Variants in EPB41L3 observed in about 807,000 individuals in gnomAD.
The protein encoded by EPB41L3 is erythrocyte membrane protein band 4.1 like 3, also known as band 4.1-like protein 3.
A neutral mutation model predicts 127.1 loss-of-function variants in EPB41L3; 57 were observed. The ratio of observed to expected loss-of-function variants is 0.45; its 90% CI spans 0.36 to 0.56. EPB41L3 has a LOEUF of 0.56. Ranked by LOEUF, EPB41L3 falls within the 20% of genes least tolerant of loss-of-function variation. The pLI, the probability that EPB41L3 is intolerant of heterozygous loss-of-function variation, is 0.00. For synonymous variants in EPB41L3, 572 were observed against 549.5 expected (o/e 1.04, Z -0.57); for missense variants, 1,273 against 1,372.2 (o/e 0.93, Z 1.14).
intron 1 of EPB41L3, among the ~76,000 whole-genome samples, chr18:5,501,684 G>A (rs2091761518): frequency 6.6e-6 from 1 of 152,154 alleles, no homozygotes; most frequent in Non-Finnish European, 1.5e-5. Flanking sequence ...GGACTCTTCT[G>A]GCATTCTTGG....
chr18:5,498,594 CAAAAAAA>C (rs397828412), intron 1 of EPB41L3, among the ~76,000 whole-genome samples: 1 of 70,502 alleles, frequency 1.4e-5, no homozygotes, highest in Non-Finnish European at 2.4e-5. Context: ...GACTCCATCT[CAAAAAAA>C]AAAAAAAAAA....
chr18:5,597,203 C>G (rs2143699231), intron 3 of EPB41L3, among the ~76,000 whole-genome samples: 2 of 152,340 alleles, frequency 1.3e-5, no homozygotes, highest in Non-Finnish European at 2.9e-5. Flanking sequence ...AGACCCTCCT[C>G]AAGTGCCTTT....
intron 16 of EPB41L3, among the ~76,000 whole-genome samples, chr18:5,404,689 T>G (rs1420858749): frequency 6.6e-6 from 1 of 152,218 alleles, no homozygotes; most frequent in Admixed American, 6.5e-5. Flanking sequence ...AGCACCACCC[T>G]TTAAATTCTC....
At chr18:5,504,623 C>A (rs1049035585) in intron 1 of EPB41L3, among the ~76,000 whole-genome samples, 1 of 152,162 alleles carries the variant, frequency 6.6e-6, no homozygotes, top group Non-Finnish European at 1.5e-5. Context: ...CAAATAGGGC[C>A]ACAGATGAGC....
chr18:5,605,914 G>A (rs961123470), intron 3 of EPB41L3, among the ~76,000 whole-genome samples: 9 of 152,254 alleles, frequency 5.9e-5, no homozygotes, highest in Admixed American at 4.6e-4. Context: ...AGGTAAAGAC[G>A]AAGTAAGGAG....
intron 3 of EPB41L3, chr18:5,467,545 A>G (rs1476731622): frequency 6.6e-6 from 1 of 152,210 alleles, no homozygotes; most frequent in Admixed American, 6.5e-5. Context: ...CAGCCACAAG[A>G]AGACGGCAAG....
intron 1 of EPB41L3, among the ~76,000 whole-genome samples, chr18:5,490,555 A>G (rs1372807747): frequency 6.6e-6 from 1 of 152,204 alleles, no homozygotes; most frequent in Non-Finnish European, 1.5e-5. Flanking sequence ...TAAAAGAGAC[A>G]TATCAATTTG....
intron 3 of EPB41L3, among the ~76,000 whole-genome samples, chr18:5,551,743 C>A (rs1384127116): frequency 1.3e-5 from 2 of 152,088 alleles, no homozygotes; most frequent in African/African-American, 2.4e-5. Flanking sequence ...TTTTAAGGCA[C>A]TGAAGTGAAT....
chr18:5,487,398 T>C (rs1488430583), intron 2 of EPB41L3, among the ~76,000 whole-genome samples: 2 of 149,290 alleles, frequency 1.3e-5, no homozygotes, highest in Non-Finnish European at 3.0e-5. Flanking sequence ...CAAAATATAA[T>C]ATATATATTT....
chr18:5,399,451 C>CT (rs1308794932), intron 16 of EPB41L3: 9 of 397,740 alleles, frequency 2.3e-5, no homozygotes, highest in Admixed American at 1.3e-4. Context: ...AATAAGAATC[C>CT]TTTAAGAAAA....
chr18:5,609,413 A>G (rs1285989558), intron 3 of EPB41L3, among the ~76,000 whole-genome samples: 1 of 152,208 alleles, frequency 6.6e-6, no homozygotes, highest in African/African-American at 2.4e-5. Context: ...CCTGCTGTCT[A>G]TTCTGCATTC....
chr18:5,559,620 C>T (rs1243881453), intron 3 of EPB41L3, among the ~76,000 whole-genome samples: 3 of 152,008 alleles, frequency 2.0e-5, no homozygotes, highest in South Asian at 2.1e-4. Context: ...TTCTGAGTTC[C>T]GAATAATCAT....
chr18:5,439,153 G>A (rs1277009512), intron 5 of EPB41L3, among the ~76,000 whole-genome samples: 1 of 151,792 alleles, frequency 6.6e-6, no homozygotes, highest in East Asian at 1.9e-4. Context: ...CTTGTATTTC[G>A]AATGGTTTAC....
At chr18:5,575,334 G>T (rs537172571) in intron 3 of EPB41L3, among the ~76,000 whole-genome samples, 1 of 152,220 alleles carries the variant, frequency 6.6e-6, no homozygotes, top group South Asian at 2.1e-4. Context: ...AGGTGTTGGG[G>T]TCATGAGGGT....
At chr18:5,409,114 A>G (rs768051282) in intron 14 of EPB41L3, among the ~76,000 whole-genome samples, 1 of 152,232 alleles carries the variant, frequency 6.6e-6, no homozygotes, top group African/African-American at 2.4e-5. Flanking sequence ...ACAGAGTTTC[A>G]TCAGTATCAC....
chr18:5,418,510 T>C (rs1292096811), intron 12 of EPB41L3, among the ~76,000 whole-genome samples: 1 of 152,150 alleles, frequency 6.6e-6, no homozygotes, highest in African/African-American at 2.4e-5. Flanking sequence ...TTGGGTGGAT[T>C]ATATTCTTTT....
chr18:5,458,557 A>G (rs768389364), intron 3 of EPB41L3, among the ~76,000 whole-genome samples: 6 of 152,200 alleles, frequency 3.9e-5, no homozygotes, highest in Non-Finnish European at 8.8e-5. Flanking sequence ...AGTTCTGGGC[A>G]TGGTATGGGG....
In EPB41L3 at chr18:5,406,772, C is replaced by G. The variant is rs779246574; in HGVS notation, c.2349+5G>C. The G allele has an allele frequency of 3.7e-6, 6 of 1,612,176 alleles. No individual in the cohort carries two copies. The African/African-American group carries it at 8.0e-5, about 22-fold the overall frequency. On this transcript the variant is annotated splice_donor_5th_base_variant and intron_variant, in intron 16 of 22. Transcript: ENST00000341928. ...ACGAGTCTGACCACAAACCTGACTA[C>G]TGACCTCTTCAGGGACAAGTGGTTC...
At chr18:5,506,363 C>T (rs1006849172) in intron 1 of EPB41L3, among the ~76,000 whole-genome samples, 47 of 152,134 alleles carry the variant, frequency 3.1e-4, no homozygotes, top group African/African-American at 1.1e-3. Flanking sequence ...ACTTCTGTTC[C>T]CTTCTCAGCG....
Sources: gnomAD v4.1 joint callset for allele counts (sites outside exome capture counted in the v4.1 genomes callset) on GRCh38, gnomAD v4.1.1 for gene constraint, MANE v1.5 for transcripts, NCBI Gene and HGNC (gene_info 2026-07-23, HGNC 2026-07-21) for gene names.